The following DLC1 variants were observed in gnomAD, a reference collection of about 807,000 sequenced individuals.
DLC1 encodes DLC1 Rho GTPase activating protein.
Under a neutral mutation model 140.3 loss-of-function variants are expected in DLC1, and 54 were observed. The ratio of observed to expected loss-of-function variants is 0.38; its 90% CI spans 0.31 to 0.48. The LOEUF (loss-of-function observed/expected upper bound fraction) is 0.48, where lower values mean the gene tolerates loss of function less well. Among genes scored for constraint, DLC1 ranks in the 20% least tolerant of loss-of-function variants. The pLI is 0.96. For missense variants in DLC1, 2,536 were observed against 1,907.0 expected (o/e 1.33, Z -6.14); for synonymous variants, 986 against 728.1 (o/e 1.35, Z -5.70).
intron 2 of DLC1, among the ~76,000 whole-genome samples, chr8:13,425,600 T>G (rs1838536670): frequency 6.6e-6 from 1 of 152,078 alleles, no homozygotes; most frequent in Non-Finnish European, 1.5e-5. Context: ...ACCTGATAAG[T>G]GAGACTGTTG....
chr8:13,286,663 A>C (rs1011522575), intron 5 of DLC1, among the ~76,000 whole-genome samples: 6 of 151,934 alleles, frequency 3.9e-5, no homozygotes, highest in Non-Finnish European at 7.4e-5. Flanking sequence ...AAAGAATGTA[A>C]ATTTTCACAG....
chr8:13,545,323 A>G (rs1023863719), intron 1 of DLC1, among the ~76,000 whole-genome samples: 7 of 150,354 alleles, frequency 4.7e-5, no homozygotes, highest in African/African-American at 1.7e-4. Context: ...GCTACTATAT[A>G]TATATATACT....
chr8:13,269,118 C>T (rs1380643389), intron 5 of DLC1, among the ~76,000 whole-genome samples: 1 of 152,032 alleles, frequency 6.6e-6, no homozygotes, highest in Non-Finnish European at 1.5e-5. Flanking sequence ...CGTGATCTGC[C>T]CGCCTCAGCC....
In DLC1 at chr8:13,085,747, A is replaced by G. The variant is rs996973217; in HGVS notation, c.*64T>C. The G allele has an allele frequency of 5.6e-6, 9 of 1,607,210 alleles. No individual in the cohort carries two copies. Among genetic ancestry groups the G allele is most frequent in the Middle Eastern group, 3.3e-4 (2 of 6,018 alleles). On this transcript the variant is annotated 3_prime_UTR_variant, in exon 18 of 18. Transcript: ENST00000276297. ...GATTAGACACAGAACCCATTCTTCA[A>G]GGACTGGCAAAAGTTCTAGAAACAA...
chr8:13,208,294 C>T (rs1353306716), intron 5 of DLC1, among the ~76,000 whole-genome samples: 2 of 152,046 alleles, frequency 1.3e-5, no homozygotes, highest in Admixed American at 1.3e-4. Context: ...TTGCATGAAG[C>T]TTATTCATAT....
At chr8:13,443,284 C>G (rs531725910) in intron 2 of DLC1, among the ~76,000 whole-genome samples, 1 of 145,528 alleles carries the variant, frequency 6.9e-6, no homozygotes, top group East Asian at 2.1e-4. Context: ...AGCACACCAA[C>G]ATGGCACATG....
At chr8:13,132,723 A>T (rs1460904689) in intron 5 of DLC1, among the ~76,000 whole-genome samples, 3 of 152,180 alleles carry the variant, frequency 2.0e-5, no homozygotes. Flanking sequence ...GGCAAAAGGT[A>T]ATCAAGAGTC....
intron 5 of DLC1, among the ~76,000 whole-genome samples, chr8:13,273,239 G>T (rs1404702314): frequency 6.6e-6 from 1 of 152,080 alleles, no homozygotes; most frequent in Non-Finnish European, 1.5e-5. Flanking sequence ...AAGGGGAGGG[G>T]GTGAGAGCAC....
Position 13,524,199 on chromosome 8 carries a change from G to A in DLC1, c.-125-24003C>T, listed in dbSNP as rs868239114. On this transcript the variant is annotated intron_variant, in intron 1 of 1. Coordinates refer to the DLC1 transcript ENST00000631382. ...GTTGCCCAGGCTGGAGTGCAGTGGC[G>A]CTATCTGGGCTCAATGCAAACTCCG... Among the ~76,000 whole-genome samples the A allele has an allele frequency of 3.3e-5, 5 of 150,292 alleles. No individual in the cohort carries two copies. The South Asian group carries it at 8.4e-4, about 25-fold the overall frequency.
At chr8:13,458,928 A>C (rs2117014002) in intron 2 of DLC1, among the ~76,000 whole-genome samples, 1 of 152,266 alleles carries the variant, frequency 6.6e-6, no homozygotes, top group South Asian at 2.1e-4. Flanking sequence ...CATATGAAAG[A>C]TAAATCCTCA....
At chr8:13,195,231 C>T (rs973371710) in intron 5 of DLC1, among the ~76,000 whole-genome samples, 1 of 152,126 alleles carries the variant, frequency 6.6e-6, no homozygotes, top group Non-Finnish European at 1.5e-5. Flanking sequence ...CCAATTAGCC[C>T]TGTAGCTTCA....
chr8:13,379,825 T>C (rs895375960), intron 4 of DLC1, among the ~76,000 whole-genome samples: 1 of 152,152 alleles, frequency 6.6e-6, no homozygotes, highest in Non-Finnish European at 1.5e-5. Flanking sequence ...TCAAAAAAGA[T>C]TGAGTTCATG....
At chr8:13,125,194 C>A (rs1206666549) in intron 5 of DLC1, among the ~76,000 whole-genome samples, 1 of 152,206 alleles carries the variant, frequency 6.6e-6, no homozygotes, top group African/African-American at 2.4e-5. Flanking sequence ...CCAGGCTGGT[C>A]TCAAACTCCT....
At chr8:13,534,430 T>C (rs964915493) in intron 1 of DLC1, among the ~76,000 whole-genome samples, 1 of 152,204 alleles carries the variant, frequency 6.6e-6, no homozygotes, top group South Asian at 2.1e-4. Flanking sequence ...ATTTGGGTTT[T>C]TCAAGTTATA....
chr8:13,255,281 T>C (rs553430875), intron 5 of DLC1, among the ~76,000 whole-genome samples: 56 of 152,302 alleles, frequency 3.7e-4, no homozygotes, highest in African/African-American at 1.3e-3. Flanking sequence ...TAAGGTACTC[T>C]TAAGTGTCAA....
chr8:13,486,197 A>G (rs1366418450), intron 2 of DLC1, among the ~76,000 whole-genome samples: 4 of 152,230 alleles, frequency 2.6e-5, no homozygotes, highest in Non-Finnish European at 5.9e-5. Flanking sequence ...GCCTTAGGAA[A>G]AAGCAAATTT....
intron 1 of DLC1, chr8:13,568,153 G>T: frequency 1.8e-6 from 1 of 568,698 alleles, no homozygotes; most frequent in Non-Finnish European, 3.0e-6. Context: ...GAACTATGTT[G>T]GTAGTTTGGG....
intron 5 of DLC1, among the ~76,000 whole-genome samples, chr8:13,131,543 G>C (rs774471399): frequency 2.6e-5 from 4 of 151,946 alleles, no homozygotes; most frequent in African/African-American, 4.8e-5. Flanking sequence ...CTCAAAACAA[G>C]ACTGGGGATG....
chr8:13,567,693 T>G, intron 1 of DLC1: 1 of 1,551,986 alleles, frequency 6.4e-7, no homozygotes. Flanking sequence ...TAGATGAACA[T>G]CTTCATACCA....
Sources: allele counts gnomAD v4.1 joint callset (sites outside exome capture counted in the v4.1 genomes callset), GRCh38; gene constraint gnomAD v4.1.1; transcripts MANE v1.5; gene names NCBI Gene and HGNC (gene_info 2026-07-23, HGNC 2026-07-21).